Variants in CDC37 observed in about 807,000 individuals in gnomAD.
The protein encoded by CDC37 is cell division cycle 37, HSP90 cochaperone.
In CDC37, 9 loss-of-function variants were observed where a neutral mutation model predicts 46.9. The ratio of observed to expected loss-of-function variants is 0.19; its 90% CI spans 0.12 to 0.33. The LOEUF is 0.33. CDC37 is among the 10% of genes least tolerant of loss of function. The pLI is 1.00. For synonymous variants in CDC37, 193 were observed against 191.0 expected (o/e 1.01, Z -0.09); for missense variants, 388 against 514.6 (o/e 0.75, Z 2.38).
chr19:10,392,794 C>T, intron 7 of CDC37: 1 of 492,942 alleles, frequency 2.0e-6, no homozygotes, highest in Non-Finnish European at 3.6e-6. Flanking sequence ...ATTTTGTGAG[C>T]TGATATTGAG....
chr19:10,393,321 G>GCTC lies in CDC37; in HGVS notation c.844_846dup (p.Glu282dup), dbSNP rs777719156. 2 of 1,614,022 alleles carry GCTC rather than the reference G, an allele frequency of 1.2e-6. No homozygotes were observed. The highest frequency in any genetic ancestry group is 1.7e-6 in the Non-Finnish European group (2 of 1,179,960). ...CCGCCGGGGCCGAGCCGCTTCTTGC[G>GCTC]CTCCTCCTCCTCGTACTCCTTCATG... On this transcript the variant is annotated inframe_insertion, in exon 6 of 8. Transcript: ENST00000222005. This position sits in a 1 kb window ranked among gnomAD's most constrained non-coding sequence, Gnocchi z 4.9.
rs990669990 is a variant in CDC37, at chr19:10,393,757, G to A, written c.727-316C>T. ...CCTTGTCCTTGGTCTCCCTAATCTC[G>A]GTAAGGATAGCCCTGTTCCTCCAGG... On this transcript the variant is annotated intron_variant, in intron 5 of 7. Coordinates refer to ENST00000222005, the MANE Select transcript of CDC37 (RefSeq NM_007065.4). This position sits in a 1 kb window ranked among gnomAD's most constrained non-coding sequence, Gnocchi z 4.9. 6 of 328,458 alleles carry A rather than the reference G, an allele frequency of 1.8e-5. No individual in the cohort carries two copies. The highest frequency in any genetic ancestry group is 1.3e-4 in the South Asian group (2 of 14,926). 20.3% of individuals were successfully genotyped at this position (328,458 alleles called of 1,614,324 possible).
chr19:10,396,213 G>A lies in CDC37; in HGVS notation c.103-10C>T, dbSNP rs1697472747. ...TGCGTTCCACCCGGGCCTGCGGGCA[G>A]GGACGGCCTATCAACTCTGGGGAGT... is the stretch of plus-strand genomic sequence containing the variant. On this transcript the variant is annotated splice_polypyrimidine_tract_variant and intron_variant, in intron 1 of 7. Transcript: ENST00000222005. This position sits in a 1 kb window ranked among gnomAD's most constrained non-coding sequence, Gnocchi z 5.9. 6.2e-7 allele frequency: 1 copy of A among 1,611,718 alleles called. No homozygotes were observed. The highest frequency in any genetic ancestry group is 8.5e-7 in the Non-Finnish European group (1 of 1,178,566).
Position 10,391,431 on chromosome 19 carries a change from C to A in CDC37, c.*120G>T. ...GCCAGGGAGGGCTGGGCGGGCCCCC[C>A]AGGCTGGGCCGAGCAGCGCAAGTAG... On this transcript the variant is annotated 3_prime_UTR_variant, in exon 8 of 8. Coordinates refer to ENST00000222005, the MANE Select transcript of CDC37 (RefSeq NM_007065.4). The A allele has an allele frequency of 7.7e-7, 1 of 1,291,788 alleles. No individual in the cohort carries two copies. The highest frequency in any genetic ancestry group is 1.2e-5 in the South Asian group (1 of 83,842). 80.0% of individuals were successfully genotyped at this position (1,291,788 alleles called of 1,614,324 possible). A position where few individuals can be genotyped will look rare whatever the true frequency, so the allele number is the denominator to read the frequency against.
chr19:10,395,895 A>C, intron 2 of CDC37, 33 bp downstream of exon 2: 1 of 1,600,782 alleles, frequency 6.2e-7, no homozygotes, highest in Non-Finnish European at 8.5e-7. Flanking sequence ...CTGGCTGCGC[A>C]TGCGCACTGC....
intron 4 of CDC37, 21 bp from the exon 5 acceptor site, chr19:10,395,164 A>G (rs761037786): frequency 6.2e-7 from 1 of 1,610,142 alleles, no homozygotes. Flanking sequence ...GAACAGGCAC[A>G]GCGTCACCAA....
chr19:10,402,995 C>T (rs1237756649), intron 1 of CDC37, among the ~76,000 whole-genome samples: 3 of 152,020 alleles, frequency 2.0e-5, no homozygotes, highest in African/African-American at 7.3e-5. Context: ...AGTGAATACC[C>T]GAATAGGATG....
intron 1 of CDC37, among the ~76,000 whole-genome samples, chr19:10,397,616 G>T (rs779984556): frequency 1.3e-5 from 2 of 151,874 alleles, no homozygotes; most frequent in Non-Finnish European, 2.9e-5. Flanking sequence ...CTCCATGTTG[G>T]CTGGTCTTGA....
chr19:10,395,606 G>T, intron 2 of CDC37, 63 bp from the exon 3 acceptor site: 1 of 1,309,684 alleles, frequency 7.6e-7, no homozygotes, highest in Admixed American at 1.7e-5. Flanking sequence ...GAGCGCGGCC[G>T]GGCGGGCCGT....
Position 10,391,494 on chromosome 19 carries a change from T to C in CDC37, c.*57A>G. On this transcript the variant is annotated 3_prime_UTR_variant, in exon 8 of 8. Coordinates refer to ENST00000222005, the MANE Select transcript of CDC37 (RefSeq NM_007065.4). ...GCGGGCGAGATGGCATCTATCTGTTTTCTGAAAAGGGGCACATAGGGGCCT... is the reference window on the plus strand; with the variant it reads ...GCGGGCGAGATGGCATCTATCTGTTCTCTGAAAAGGGGCACATAGGGGCCT... 1 of 1,603,496 alleles carries C rather than the reference T, an allele frequency of 6.2e-7. No individual in the cohort carries two copies. Among genetic ancestry groups the C allele is most frequent in the Non-Finnish European group, 8.5e-7 (1 of 1,170,796 alleles).
In CDC37 at chr19:10,395,610, G is replaced by C. The variant is rs757882736; in HGVS notation, c.379-67C>G. The C allele has an allele frequency of 7.1e-6, 9 of 1,270,674 alleles. No homozygotes were observed. The South Asian group carries it at 9.5e-5, about 13-fold the overall frequency. 78.7% of individuals were successfully genotyped at this position (1,270,674 alleles called of 1,614,324 possible). A position where few individuals can be genotyped will look rare whatever the true frequency, so the allele number is the denominator to read the frequency against. ...CGGAGCGCCTCGAGCGCGGCCGGGC[G>C]GGCCGTGGTCGCAGCGCCCATCCCA... On this transcript the variant is annotated intron_variant, in intron 2 of 7. Coordinates refer to ENST00000222005, the MANE Select transcript of CDC37 (RefSeq NM_007065.4).
At position 10,393,494 on chromosome 19, in the gene CDC37, T is replaced by C. The variant is rs2042470438; in HGVS notation, c.727-53A>G. On this transcript the variant is annotated intron_variant, in intron 5 of 7. Transcript: ENST00000222005. The surrounding 1 kb of genome is among the most constrained non-coding windows in gnomAD (Gnocchi z 4.9). Reference sequence around the variant, plus strand: ...ACCTGGCCCAACGCTCAGGAGGGACTGGGGGGCCCAGGACCCTCCAGCCAC... The same window carrying C: ...ACCTGGCCCAACGCTCAGGAGGGACCGGGGGGCCCAGGACCCTCCAGCCAC... 3 of 1,548,330 alleles carry C rather than the reference T, an allele frequency of 1.9e-6. No homozygotes were observed. The highest frequency in any genetic ancestry group is 1.9e-5 in the Admixed American group (1 of 53,036).
At chr19:10,397,597 A>G (rs971912788) in intron 1 of CDC37, among the ~76,000 whole-genome samples, 1 of 151,652 alleles carries the variant, frequency 6.6e-6, no homozygotes. Flanking sequence ...TTTAATAGAG[A>G]CGGGGTTTCT....
Position 10,396,275 on chromosome 19 carries a change from G to C in CDC37, c.103-72C>G. 1 of 1,504,874 alleles carries C rather than the reference G, an allele frequency of 6.6e-7. No individual in the cohort carries two copies. Among genetic ancestry groups the C allele is most frequent in the Non-Finnish European group, 9.0e-7 (1 of 1,112,156 alleles). 93.2% of individuals were successfully genotyped at this position (1,504,874 alleles called of 1,614,324 possible). Reference sequence around the variant, plus strand: ...TACCCCCGCCCCATACCCAATCCCTGCACCGGAGATGGCCCCAGGAAAAAG... The same window carrying C: ...TACCCCCGCCCCATACCCAATCCCTCCACCGGAGATGGCCCCAGGAAAAAG... On this transcript the variant is annotated intron_variant, in intron 1 of 7. Coordinates refer to ENST00000222005, the MANE Select transcript of CDC37 (RefSeq NM_007065.4). The surrounding 1 kb of genome is among the most constrained non-coding windows in gnomAD (Gnocchi z 5.9).
At chr19:10,394,908 G>C in intron 5 of CDC37, 113 bp downstream of exon 5, 1 of 1,145,952 alleles carries the variant, frequency 8.7e-7, no homozygotes, top group Non-Finnish European at 1.2e-6. Flanking sequence ...TCTAGGATGC[G>C]GTGACTGGAG....
chr19:10,395,904 G>GGGGGGCCCC, intron 2 of CDC37, 24 bp downstream of exon 2: 2 of 1,541,890 alleles, frequency 1.3e-6, no homozygotes, highest in Non-Finnish European at 8.9e-7. Context: ...CATGCGCACT[G>GGGGGGCCCC]CCCGCCCCGC....
Position 10,393,492 on chromosome 19 carries a change from A to G in CDC37, c.727-51T>C, listed in dbSNP as rs1414961474. 5.8e-6 allele frequency: 9 copies of G among 1,551,660 alleles called. No individual in the cohort carries two copies. Among genetic ancestry groups the G allele is most frequent in the Non-Finnish European group, 7.8e-6 (9 of 1,147,586 alleles). ...GGACCTGGCCCAACGCTCAGGAGGG[A>G]CTGGGGGGCCCAGGACCCTCCAGCC... is the stretch of plus-strand genomic sequence containing the variant. On this transcript the variant is annotated intron_variant, in intron 5 of 7. Coordinates refer to ENST00000222005, the MANE Select transcript of CDC37 (RefSeq NM_007065.4). This position sits in a 1 kb window ranked among gnomAD's most constrained non-coding sequence, Gnocchi z 4.9.
In CDC37 at chr19:10,393,116, C is replaced by T. The variant is rs759527101; in HGVS notation, c.951G>A (p.Leu317=). The T allele has an allele frequency of 1.2e-6, 2 of 1,613,954 alleles. No individual in the cohort carries two copies. Among genetic ancestry groups the T allele is most frequent in the African/African-American group, 2.7e-5 (2 of 74,888 alleles). ...KCFDVKDVQM[L]QDAISKMDPT... is the part of the protein sequence containing the mutation. ...GGTCCATCTTGCTGATGGCGTCCTGCAGCATCTGCACGTCCTTCACATCGA... is the reference window on the plus strand; with the variant it reads ...GGTCCATCTTGCTGATGGCGTCCTGTAGCATCTGCACGTCCTTCACATCGA... Residue 317 remains leucine, a synonymous_variant, in exon 7 of 8, where the codon CTG becomes CTA. Coordinates refer to ENST00000222005, the MANE Select transcript of CDC37 (RefSeq NM_007065.4). The surrounding 1 kb of genome is among the most constrained non-coding windows in gnomAD (Gnocchi z 4.9).
chr19:10,393,494 T>TGGG lies in CDC37; in HGVS notation c.727-56_727-54dup. 1 of 1,548,330 alleles carries TGGG rather than the reference T, an allele frequency of 6.5e-7. No homozygotes were observed. The highest frequency in any genetic ancestry group is 1.2e-5 in the South Asian group (1 of 83,052). ...ACCTGGCCCAACGCTCAGGAGGGAC[T>TGGG]GGGGGGCCCAGGACCCTCCAGCCAC... is the stretch of plus-strand genomic sequence containing the variant. On this transcript the variant is annotated intron_variant, in intron 5 of 7. Coordinates refer to ENST00000222005, the MANE Select transcript of CDC37 (RefSeq NM_007065.4). This position sits in a 1 kb window ranked among gnomAD's most constrained non-coding sequence, Gnocchi z 4.9.
Sources: gnomAD v4.1 joint callset for allele counts (sites outside exome capture counted in the v4.1 genomes callset) on GRCh38, gnomAD v4.1.1 for gene constraint, Gnocchi (gnomAD v3.1) non-coding constraint, MANE v1.5 for transcripts, NCBI Gene and HGNC (gene_info 2026-07-23, HGNC 2026-07-21) for gene names.